Variants in MYO1D observed in about 807,000 individuals in gnomAD.
MYO1D encodes the protein unconventional myosin-Id.
In MYO1D, 83 loss-of-function variants were observed where a neutral mutation model predicts 122.0. That is an observed-to-expected ratio of 0.68 (90% CI 0.57 to 0.82). The LOEUF is 0.82. Among genes scored for constraint, MYO1D ranks in the 40% least tolerant of loss-of-function variants. MYO1D has a pLI of 0.00. For synonymous variants in MYO1D, 464 were observed against 446.9 expected, an observed-to-expected ratio of 1.04 and a Z score of -0.48; for missense variants, 1,157 against 1,269.5, an observed-to-expected ratio of 0.91 and a Z score of 1.35.
At chr17:32,690,848 C>A (rs1268255984) in intron 16 of MYO1D, among the ~76,000 whole-genome samples, 1 of 152,166 alleles carries the variant, frequency 6.6e-6, no homozygotes, top group African/African-American at 2.4e-5. Flanking sequence ...AATTACCCAG[C>A]CACAGGTATT....
intron 21 of MYO1D, chr17:32,498,592 C>G (rs1002527434): frequency 5.3e-5 from 8 of 152,220 alleles, no homozygotes; most frequent in African/African-American, 1.9e-4. Flanking sequence ...TCCTGAGAGC[C>G]TGGGAAGCCG....
intron 21 of MYO1D, among the ~76,000 whole-genome samples, chr17:32,547,982 T>G (rs2086979266): frequency 6.6e-6 from 1 of 151,490 alleles, no homozygotes; most frequent in South Asian, 2.1e-4. Flanking sequence ...CGGAGAGTGG[T>G]CCATTTTGGA....
intron 1 of MYO1D, among the ~76,000 whole-genome samples, chr17:32,810,343 T>C (rs1176125714): frequency 6.6e-6 from 1 of 152,160 alleles, no homozygotes; most frequent in African/African-American, 2.4e-5. Context: ...AAGGTACAGA[T>C]GGTTGGGTGT....
intron 3 of MYO1D, among the ~76,000 whole-genome samples, chr17:32,776,800 T>C (rs1211744180): frequency 1.3e-5 from 2 of 152,248 alleles, no homozygotes; most frequent in Non-Finnish European, 2.9e-5. Flanking sequence ...CGACGAATGC[T>C]AACTTTCTAT....
intron 16 of MYO1D, among the ~76,000 whole-genome samples, chr17:32,706,437 T>C (rs2089309596): frequency 6.6e-6 from 1 of 152,106 alleles, no homozygotes; most frequent in African/African-American, 2.4e-5. Context: ...AGAAAAGGTA[T>C]GAAAATACAC....
chr17:32,629,630 G>T (rs1304011148), intron 20 of MYO1D, among the ~76,000 whole-genome samples: 1 of 151,872 alleles, frequency 6.6e-6, no homozygotes, highest in Non-Finnish European at 1.5e-5. Flanking sequence ...CAGCTACTCG[G>T]CTGAGGCAGA....
chr17:32,652,168 T>C (rs950019548), intron 19 of MYO1D, among the ~76,000 whole-genome samples: 1 of 152,164 alleles, frequency 6.6e-6, no homozygotes, highest in African/African-American at 2.4e-5. Context: ...TTAGATTAAG[T>C]GGTATGAGAA....
At chr17:32,806,048 G>A (rs2090508963) in intron 1 of MYO1D, among the ~76,000 whole-genome samples, 1 of 152,154 alleles carries the variant, frequency 6.6e-6, no homozygotes, top group Non-Finnish European at 1.5e-5. Flanking sequence ...CACAAGGTCA[G>A]GAGATTGAGA....
rs1597966706 is a variant in MYO1D at position 32,645,202 on chromosome 17, G to T, written c.2596-6367C>A. Among the ~76,000 whole-genome samples the T allele has an allele frequency of 3.9e-5, 6 of 152,276 alleles. 1 individual carries two copies. Among genetic ancestry groups the T allele is most frequent in the Admixed American group, 3.9e-4 (6 of 15,292 alleles). On this transcript the variant is annotated intron_variant, in intron 19 of 21. Transcript: ENST00000318217. The stretch of plus-strand genomic sequence containing the variant: ...AGTTTGGCTGGATATGAAATTGCGG[G>T]TTGAAAATTCTTTTCTTTAAGAATG...
intron 1 of MYO1D, among the ~76,000 whole-genome samples, chr17:32,864,964 T>C (rs966749250): frequency 2.2e-4 from 33 of 152,326 alleles, no homozygotes; most frequent in Middle Eastern, 3.4e-3. Flanking sequence ...CTCACTGACA[T>C]TTAAACTATT....
chr17:32,857,061 G>T (rs1175644358), intron 1 of MYO1D, among the ~76,000 whole-genome samples: 1 of 152,112 alleles, frequency 6.6e-6, no homozygotes, highest in African/African-American at 2.4e-5. Flanking sequence ...TCAGTTATGT[G>T]ACTTTGGCAA....
chr17:32,553,077 C>CAAAAAAAA (rs200769034), intron 21 of MYO1D, among the ~76,000 whole-genome samples: 9 of 105,316 alleles, frequency 8.5e-5, no homozygotes, highest in African/African-American at 8.1e-5. Context: ...TTCTCTAAGA[C>CAAAAAAAA]AAAAAAAAAA....
intron 21 of MYO1D, among the ~76,000 whole-genome samples, chr17:32,526,879 G>A (rs1268254772): frequency 6.6e-6 from 1 of 152,144 alleles, no homozygotes; most frequent in Non-Finnish European, 1.5e-5. Context: ...CATCTTCCAT[G>A]GACCATCTGG....
intron 1 of MYO1D, among the ~76,000 whole-genome samples, chr17:32,783,736 C>G (rs2090263842): frequency 6.6e-6 from 1 of 152,160 alleles, no homozygotes; most frequent in Non-Finnish European, 1.5e-5. Flanking sequence ...TTAACAGCAA[C>G]TCAAATTTCA....
At chr17:32,860,686 A>G (rs7213698) in intron 1 of MYO1D, among the ~76,000 whole-genome samples, 7,788 of 152,290 alleles carry the variant, frequency 0.051, 619 homozygotes, top group African/African-American at 0.17. Flanking sequence ...TAGGAATAGG[A>G]CAAAAACCGA....
chr17:32,661,296 C>T (rs1156387431), intron 16 of MYO1D, among the ~76,000 whole-genome samples: 1 of 152,132 alleles, frequency 6.6e-6, no homozygotes, highest in African/African-American at 2.4e-5. Context: ...ACCCACCTCC[C>T]TACCTCCAGT....
At chr17:32,802,137 C>T (rs951323635) in intron 1 of MYO1D, among the ~76,000 whole-genome samples, 1 of 152,198 alleles carries the variant, frequency 6.6e-6, no homozygotes, top group African/African-American at 2.4e-5. Flanking sequence ...ACAAATTCAT[C>T]ACCACAAATG....
chr17:32,764,826 A>T, intron 8 of MYO1D, 52 bp downstream of exon 8: 1 of 1,577,524 alleles, frequency 6.3e-7, no homozygotes, highest in Non-Finnish European at 8.7e-7. Context: ...GATTTCACTC[A>T]ATTTGCAACT....
At chr17:32,542,720 A>G (rs753355916) in intron 21 of MYO1D, among the ~76,000 whole-genome samples, 9 of 152,070 alleles carry the variant, frequency 5.9e-5, no homozygotes, top group African/African-American at 9.7e-5. Flanking sequence ...TTTCCTGATC[A>G]ATATATGAAT....
Sources: allele counts gnomAD v4.1 joint callset (sites outside exome capture counted in the v4.1 genomes callset), GRCh38; gene constraint gnomAD v4.1.1; transcripts MANE v1.5; gene names NCBI Gene and HGNC (gene_info 2026-07-23, HGNC 2026-07-21).